The following SNRPE variants were observed in gnomAD, a reference collection of about 807,000 sequenced individuals.
The protein encoded by SNRPE is small nuclear ribonucleoprotein polypeptide E.
For synonymous variants in SNRPE, 35 were observed against 36.7 expected (o/e 0.95, Z 0.17); for missense variants, 53 against 111.6 (o/e 0.48, Z 2.36).
intron 2 of SNRPE, 134 bp downstream of exon 2, chr1:203,862,356 G>C (rs1196914115): frequency 1.2e-5 from 8 of 691,148 alleles, no homozygotes; most frequent in Admixed American, 4.4e-5. Flanking sequence ...GGGTAATTGA[G>C]GGGAAGGAGT....
intron 4 of SNRPE, among the ~76,000 whole-genome samples, chr1:203,868,528 CTCTT>C (rs1366684038): frequency 6.6e-6 from 1 of 152,156 alleles, no homozygotes; most frequent in Non-Finnish European, 1.5e-5. Context: ...TCAGGTGTCT[CTCTT>C]TCAGACCCTC....
rs564988259 is a variant in SNRPE, at chr1:203,869,289, C to CTTT, written c.224-556_224-554dup. Among the ~76,000 whole-genome samples, 427 of 66,762 alleles carry CTTT rather than the reference C, an allele frequency of 6.4e-3. 39 individuals carry two copies. Among genetic ancestry groups the CTTT allele is most frequent in the Middle Eastern group, 0.012 (1 of 84 alleles). The allele number at this position is 66,762 out of a possible 152,430, so 43.8% of individuals were successfully genotyped here. A position where few individuals can be genotyped will look rare whatever the true frequency, so the allele number is the denominator to read the frequency against. On this transcript the variant is annotated intron_variant, in intron 4 of 4. Coordinates refer to ENST00000414487, the MANE Select transcript of SNRPE (RefSeq NM_003094.4). ...AGGTTTGTTTATTGTAGGATGGAGT[C>CTTT]TTTTTTTTTTTTTTTTTTTTTTTTT... is the stretch of plus-strand genomic sequence containing the variant.
chr1:203,869,975 T>G lies in SNRPE; in HGVS notation c.*43T>G. On this transcript the variant is annotated 3_prime_UTR_variant, in exon 5 of 5. Transcript: ENST00000414487. ...AGAAATTGTTGAGAAGGATACAGTT[T>G]GTTTTTAGATGTCCTTTGTCCAATG... 1 of 1,243,988 alleles carries G rather than the reference T, an allele frequency of 8.0e-7. No individual in the cohort carries two copies. The highest frequency in any genetic ancestry group is 1.2e-6 in the Non-Finnish European group (1 of 862,160). 77.1% of individuals were successfully genotyped at this position (1,243,988 alleles called of 1,614,324 possible).
intron 4 of SNRPE, among the ~76,000 whole-genome samples, chr1:203,866,795 A>T (rs908822593): frequency 6.6e-6 from 1 of 151,870 alleles, no homozygotes; most frequent in South Asian, 2.1e-4. Context: ...AAATCTAATG[A>T]TCTTCATGAT....
intron 1 of SNRPE, chr1:203,861,970 C>T (rs992301595): frequency 1.6e-6 from 1 of 609,880 alleles, no homozygotes; most frequent in Admixed American, 2.9e-5. Context: ...GGAGTGAAAA[C>T]GGGAGTTAAC....
chr1:203,865,371 C>T lies in SNRPE; in HGVS notation c.223+252C>T, dbSNP rs146362614. On this transcript the variant is annotated intron_variant, in intron 4 of 4. Transcript: ENST00000414487. ...ATTAAATCTAATGATCAGTACTAAT[C>T]CTCATTTTATTAAACTCTCAACAGC... is the stretch of plus-strand genomic sequence containing the variant. Among the ~76,000 whole-genome samples the T allele has an allele frequency of 6.6e-5, 10 of 152,264 alleles. No homozygotes were observed. In the East Asian group the frequency reaches 1.9e-3, roughly 29 times the overall value.
In SNRPE at chr1:203,865,131, A is replaced by C; in HGVS notation, c.223+12A>C. 6.2e-7 allele frequency: 1 copy of C among 1,603,188 alleles called. No individual in the cohort carries two copies. Among genetic ancestry groups the C allele is most frequent in the Non-Finnish European group, 8.5e-7 (1 of 1,173,464 alleles). ...AAGAAAACAACTGGGTAAGGATAGAAGTGGTCTTACAGAATTCTAGAAATA... is the reference window on the plus strand; with the variant it reads ...AAGAAAACAACTGGGTAAGGATAGACGTGGTCTTACAGAATTCTAGAAATA... On this transcript the variant is annotated intron_variant, in intron 4 of 4. Coordinates refer to ENST00000414487, the MANE Select transcript of SNRPE (RefSeq NM_003094.4).
rs770403707 is a variant in SNRPE, at chr1:203,869,965, G to C, written c.*33G>C. The C allele has an allele frequency of 6.4e-6, 9 of 1,416,758 alleles. No homozygotes were observed. In the South Asian group the frequency reaches 1.1e-4, roughly 17 times the overall value. 87.8% of individuals were successfully genotyped at this position (1,416,758 alleles called of 1,614,324 possible). A position where few individuals can be genotyped will look rare whatever the true frequency, so the allele number is the denominator to read the frequency against. ...CAATGAAGTGAGAAATTGTTGAGAA[G>C]GATACAGTTTGTTTTTAGATGTCCT... On this transcript the variant is annotated 3_prime_UTR_variant, in exon 5 of 5. Transcript: ENST00000414487.
At chr1:203,863,226 C>T (rs557559773) in intron 2 of SNRPE, among the ~76,000 whole-genome samples, 30 of 151,422 alleles carry the variant, frequency 2.0e-4, no homozygotes, top group Non-Finnish European at 3.5e-4. Flanking sequence ...CTTAATGTTG[C>T]GCAGGCTTAT....
At chr1:203,868,275 C>CTT (rs1310517275) in intron 4 of SNRPE, among the ~76,000 whole-genome samples, 1 of 152,060 alleles carries the variant, frequency 6.6e-6, no homozygotes, top group Non-Finnish European at 1.5e-5. Flanking sequence ...AGGCTGGTCT[C>CTT]TAACTTCTGA....
chr1:203,863,098 C>T (rs1445511940), intron 2 of SNRPE, among the ~76,000 whole-genome samples: 2 of 148,312 alleles, frequency 1.3e-5, no homozygotes, highest in Non-Finnish European at 3.0e-5. Context: ...TTAGTTAAAA[C>T]TTTTGACTTA....
Position 203,869,908 on chromosome 1 carries a change from T to G in SNRPE, c.255T>G (p.Thr85=). The stretch of plus-strand genomic sequence containing the variant: ...TCATGCTAAAAGGAGATAATATTAC[T>G]CTGCTACAAAGTGTCTCCAACTAGA... ...GRIMLKGDNI[T]LLQSVSN Residue 85 remains threonine (T), a synonymous_variant, in exon 5 of 5, where the codon ACT becomes ACG. Coordinates refer to ENST00000414487, the MANE Select transcript of SNRPE (RefSeq NM_003094.4). 1 of 1,606,722 alleles carries G rather than the reference T, an allele frequency of 6.2e-7. No homozygotes were observed. Among genetic ancestry groups the G allele is most frequent in the Non-Finnish European group, 8.5e-7 (1 of 1,176,224 alleles).
At chr1:203,861,785 C>A in intron 1 of SNRPE, 72 bp downstream of exon 1, 2 of 1,129,912 alleles carry the variant, frequency 1.8e-6, no homozygotes, top group Non-Finnish European at 2.7e-6. Flanking sequence ...AGGCTGAGGG[C>A]AGGCCTGGGA....
chr1:203,864,482 C>G (rs547233334), intron 3 of SNRPE, among the ~76,000 whole-genome samples: 4 of 151,306 alleles, frequency 2.6e-5, no homozygotes, highest in African/African-American at 7.3e-5. Flanking sequence ...CCCAGGTGCT[C>G]TCAGCTCACT....
chr1:203,867,267 G>A (rs1690111366), intron 4 of SNRPE, among the ~76,000 whole-genome samples: 1 of 105,642 alleles, frequency 9.5e-6, no homozygotes. Context: ...GCGACACAGC[G>A]AGACTCTGTC....
chr1:203,864,892 AAAAAAAAAAC>A, intron 3 of SNRPE, 139 bp from the exon 4 acceptor site: 56 of 462,274 alleles, frequency 1.2e-4, no homozygotes, highest in East Asian at 1.6e-4. Context: ...AAAAAAAAAA[AAAAAAAAAAC>A]TTTGGGTGGA....
At chr1:203,866,818 C>T (rs1201087600) in intron 4 of SNRPE, among the ~76,000 whole-genome samples, 1 of 151,952 alleles carries the variant, frequency 6.6e-6, no homozygotes, top group Non-Finnish European at 1.5e-5. Flanking sequence ...AGTCTTATCT[C>T]CCTCTGCTCA....
At chr1:203,863,751 A>G (rs1344662980) in intron 3 of SNRPE, 26 bp downstream of exon 3, 7 of 1,473,468 alleles carry the variant, frequency 4.8e-6, no homozygotes, top group Non-Finnish European at 4.8e-6. Context: ...ATTTCATCTC[A>G]TAGCAGTTCG....
chr1:203,867,119 A>AG (rs1553274836), intron 4 of SNRPE, among the ~76,000 whole-genome samples: 1 of 146,626 alleles, frequency 6.8e-6, no homozygotes, highest in Non-Finnish European at 1.5e-5. Context: ...AAAAAAAAAA[A>AG]AAAAAAAAAA....
Sources: allele counts gnomAD v4.1 joint callset (sites outside exome capture counted in the v4.1 genomes callset), GRCh38; gene constraint gnomAD v4.1.1; transcripts MANE v1.5; gene names NCBI Gene and HGNC (gene_info 2026-07-23, HGNC 2026-07-21).